Variants in SLC4A9 observed in about 807,000 individuals in gnomAD.
SLC4A9 encodes the protein solute carrier family 4 member 9, also known as anion exchange protein 4.
SLC4A9 carries 102 observed loss-of-function variants against 103.2 expected under a neutral mutation model. The ratio of observed to expected loss-of-function variants is 0.99; its 90% confidence interval spans 0.84 to 1.17. The LOEUF (loss-of-function observed/expected upper bound fraction) is 1.17, where lower values mean the gene tolerates loss of function less well. Ranked by LOEUF, SLC4A9 falls within the 50% of genes most tolerant of loss-of-function variation. The pLI, the probability that SLC4A9 is intolerant of heterozygous loss-of-function variation, is 0.00. For missense variants in SLC4A9, 1,091 were observed against 1,193.7 expected (o/e 0.91, Z 1.27); for synonymous variants, 453 against 483.6 (o/e 0.94, Z 0.83).
rs1269369030 is a variant in SLC4A9 at position 140,362,168 on chromosome 5, C to G, written c.713C>G (p.Pro238Arg). 2.0e-6 allele frequency: 3 copies of G among 1,534,838 alleles called. No homozygotes were observed. Among genetic ancestry groups the G allele is most frequent in the East Asian group, 4.6e-5 (2 of 43,900 alleles). The change falls in exon 5 of 22, where the codon CCA becomes CGA. Residue 238 changes from proline to arginine, a missense_variant. Physicochemically the swap from Pro to Arg is moderately radical, Grantham distance 103. Coordinates refer to ENST00000506757, the MANE Select transcript of SLC4A9 (RefSeq NM_031467.3). The stretch of plus-strand genomic sequence containing the variant: ...GGGTCCCTTACTGAGGTGTCCCTCC[C>G]AAGCAGGTGAGGCTACTGAGTGAGT... ...VLGSLTEVSL[P>R]SRFFCLLLGP...
Position 140,365,577 on chromosome 5 carries a change from T to A in SLC4A9, c.1709T>A (p.Met570Lys). The A allele has an allele frequency of 2.5e-6, 4 of 1,611,478 alleles. No homozygotes were observed. The highest frequency in any genetic ancestry group is 2.5e-6 in the Non-Finnish European group (3 of 1,178,800). The stretch of plus-strand genomic sequence containing the variant: ...AAAGACAGAGACGACATTGTAAGCA[T>A]GGTGAGGGACTGCTCCTGGGAGGTT... ...RPKDRDDIVS[M>K]DLGLINASLL... The change falls in exon 12 of 22, where the codon ATG becomes AAG. Residue 570 changes from methionine (M) to lysine (K), a missense_variant and splice_region_variant. By Grantham distance (95) the Met-to-Lys change is moderately conservative. Transcript: ENST00000506757.
intron 21 of SLC4A9, among the ~76,000 whole-genome samples, chr5:140,373,116 G>T (rs1462752368): frequency 6.6e-6 from 1 of 152,182 alleles, no homozygotes; most frequent in African/African-American, 2.4e-5. Context: ...TGTTGTGGGG[G>T]GCGGTGCCCT....
rs922864801 is a variant in SLC4A9 at position 140,363,330 on chromosome 5, G to T, written c.963-109G>T. ...GCCCAGGTGTCGCCATGGTTCCCTC[G>T]CCGGCAGAGACAAGAGCAGCCGCTA... On this transcript the variant is annotated intron_variant, in intron 7 of 21. Coordinates refer to ENST00000506757, the MANE Select transcript of SLC4A9 (RefSeq NM_031467.3). This position sits in a 1 kb window ranked among gnomAD's most constrained non-coding sequence, Gnocchi z 4.5. The T allele has an allele frequency of 1.5e-5, 17 of 1,097,154 alleles. No individual in the cohort carries two copies. The highest frequency in any genetic ancestry group is 2.2e-5 in the Non-Finnish European group (17 of 764,202). The allele number at this position is 1,097,154 out of a possible 1,614,324, so 68.0% of individuals were successfully genotyped here.
rs537857141 is a variant in SLC4A9 at position 140,362,532 on chromosome 5, G to A, written c.807G>A (p.Pro269=). The change falls in exon 6 of 22, where the codon CCG becomes CCA. Residue 269 remains proline, a splice_region_variant and synonymous_variant. Transcript: ENST00000506757. ...CAGCAGCTGTCCTCCTCAGTGACCC[G>A]GTGAGCTGAGCAGGTGTGTGTGTGT... is the stretch of plus-strand genomic sequence containing the variant. ...GRAAAVLLSD[P]QFQWSVRRAS... 9 of 1,613,882 alleles carry A rather than the reference G, an allele frequency of 5.6e-6. No homozygotes were observed. The East Asian group carries it at 6.7e-5, about 12-fold the overall frequency.
At chr5:140,361,087 T>G in intron 2 of SLC4A9, 115 bp downstream of exon 2, 1 of 1,223,426 alleles carries the variant, frequency 8.2e-7, no homozygotes, top group Non-Finnish European at 1.1e-6. Context: ...TAGGATTGTC[T>G]ACCCTTGTCA....
intron 16 of SLC4A9, among the ~76,000 whole-genome samples, chr5:140,368,284 G>A (rs183312808): frequency 3.2e-4 from 48 of 152,342 alleles, no homozygotes; most frequent in Middle Eastern, 3.4e-3. Context: ...TTGATAAATT[G>A]TGAAATGTAA....
chr5:140,363,531 G>GAGGCAGTCGGTGGTTTCTAGCTCTT lies in SLC4A9; in HGVS notation c.1055_1056insAGGCAGTCGGTGGTTTCTAGCTCTT (p.Ser352ArgfsTer59). On this transcript the variant is annotated frameshift_variant, in exon 8 of 22. Transcript: ENST00000506757. LOFTEE classifies it high-confidence loss of function. This position sits in a 1 kb window ranked among gnomAD's most constrained non-coding sequence, Gnocchi z 4.5. Reference sequence around the variant, plus strand: ...CACCGCCATGGGCCACACGCACACAGCCCGGAGTTGCAGCGGACCGGCAGG... The same window carrying GAGGCAGTCGGTGGTTTCTAGCTCTT: ...CACCGCCATGGGCCACACGCACACAGAGGCAGTCGGTGGTTTCTAGCTCTTCCCGGAGTTGCAGCGGACCGGCAGG... 1 of 1,552,880 alleles carries GAGGCAGTCGGTGGTTTCTAGCTCTT rather than the reference G, an allele frequency of 6.4e-7. No individual in the cohort carries two copies. The highest frequency in any genetic ancestry group is 8.7e-7 in the Non-Finnish European group (1 of 1,148,018).
intron 14 of SLC4A9, among the ~76,000 whole-genome samples, chr5:140,366,488 A>G (rs1767909418): frequency 2.6e-5 from 4 of 152,202 alleles, no homozygotes; most frequent in Admixed American, 1.3e-4. Context: ...ATTACAGGGT[A>G]TGGGTTAAGA....
In SLC4A9 at chr5:140,363,593, G is replaced by T; in HGVS notation, c.1079+38G>T. 1 of 1,553,750 alleles carries T rather than the reference G, an allele frequency of 6.4e-7. No homozygotes were observed. Among genetic ancestry groups the T allele is most frequent in the South Asian group, 1.2e-5 (1 of 84,544 alleles). ...GGGAGGAAACAAGGGTAGGTGACCT[G>T]GGGGAGGGGAGGAGTCACAGGGAAA... On this transcript the variant is annotated intron_variant, in intron 8 of 21. Coordinates refer to ENST00000506757, the MANE Select transcript of SLC4A9 (RefSeq NM_031467.3). The surrounding 1 kb of genome is among the most constrained non-coding windows in gnomAD (Gnocchi z 4.5).
At chr5:140,361,207 C>T (rs368979297) in intron 2 of SLC4A9, 47 bp from the exon 3 acceptor site, 85 of 1,475,990 alleles carry the variant, frequency 5.8e-5, no homozygotes, top group African/African-American at 3.6e-4. Flanking sequence ...GAAGAGTGTG[C>T]GGCAGGGAAC....
At chr5:140,367,266 T>C (rs145324511) in intron 14 of SLC4A9, among the ~76,000 whole-genome samples, 154 bp from the exon 15 acceptor site, 19 of 152,326 alleles carry the variant, frequency 1.2e-4, no homozygotes, top group Middle Eastern at 3.4e-3. Flanking sequence ...TTTAAGGCAC[T>C]GGGATGCTTT....
rs376156470 is a variant in SLC4A9, at chr5:140,361,357, G to A, written c.495G>A (p.Arg165=). The change falls in exon 3 of 22, where the codon AGG becomes AGA. Residue 165 remains arginine (R), a synonymous_variant. Transcript: ENST00000506757. ...PQHYNQTTGT[R]PCWGSTHPRK... is the part of the protein sequence containing the mutation. ...ATTACAACCAGACCACAGGCACCAG[G>A]CCCTGCTGGGGTGAGAGCCCCTCCC... The A allele has an allele frequency of 7.1e-5, 110 of 1,555,144 alleles. No homozygotes were observed. The South Asian group carries it at 1.2e-3, about 17-fold the overall frequency.
At chr5:140,364,023 G>A (rs1767514174) in intron 9 of SLC4A9, 31 bp from the exon 10 acceptor site, 1 of 1,523,044 alleles carries the variant, frequency 6.6e-7, no homozygotes, top group Non-Finnish European at 8.8e-7. Context: ...AGGACTTCAG[G>A]GTCCTGTGCT....
chr5:140,372,274 G>A lies in SLC4A9; in HGVS notation c.2703G>A (p.Leu901=), dbSNP rs1490655089. ...GCCTTGTGGGGGTCCGAAAGGCCCTGGAGAGGGTCTTCTCACCACAGGAAC... is the reference window on the plus strand; with the variant it reads ...GCCTTGTGGGGGTCCGAAAGGCCCTAGAGAGGGTCTTCTCACCACAGGAAC... ...LLGLVGVRKA[L]ERVFSPQELL... Residue 901 remains leucine (L), a synonymous_variant, in exon 20 of 22, where the codon CTG becomes CTA. Transcript: ENST00000506757. 6.3e-7 allele frequency: 1 copy of A among 1,594,412 alleles called. No homozygotes were observed. Among genetic ancestry groups the A allele is most frequent in the African/African-American group, 1.4e-5 (1 of 73,766 alleles).
rs1204932293 is a variant in SLC4A9, at chr5:140,363,416, C to T, written c.963-23C>T. On this transcript the variant is annotated intron_variant, in intron 7 of 21. Coordinates refer to ENST00000506757, the MANE Select transcript of SLC4A9 (RefSeq NM_031467.3). This position sits in a 1 kb window ranked among gnomAD's most constrained non-coding sequence, Gnocchi z 4.5. ...AGACTGGTTGGAGATCCTCAGCCAACCTGGGGTTCCCCTCCTCCTCAGGCT... is the reference window on the plus strand; with the variant it reads ...AGACTGGTTGGAGATCCTCAGCCAATCTGGGGTTCCCCTCCTCCTCAGGCT... The T allele has an allele frequency of 7.1e-6, 11 of 1,547,882 alleles. No individual in the cohort carries two copies. The highest frequency in any genetic ancestry group is 9.6e-6 in the Non-Finnish European group (11 of 1,144,322).
intron 16 of SLC4A9, 65 bp from the exon 17 acceptor site, chr5:140,368,522 G>T: frequency 7.0e-7 from 1 of 1,429,606 alleles, no homozygotes; most frequent in Non-Finnish European, 9.7e-7. Context: ...ATTCAGCCAG[G>T]ATCTCCAGTC....
rs1767388015 is a variant in SLC4A9 at position 140,363,338 on chromosome 5, A to T, written c.963-101A>T. ...GTCGCCATGGTTCCCTCGCCGGCAG[A>T]GACAAGAGCAGCCGCTAGGGGGCAG... On this transcript the variant is annotated intron_variant, in intron 7 of 21. Coordinates refer to ENST00000506757, the MANE Select transcript of SLC4A9 (RefSeq NM_031467.3). This position sits in a 1 kb window ranked among gnomAD's most constrained non-coding sequence, Gnocchi z 4.5. 5.2e-6 allele frequency: 6 copies of T among 1,150,134 alleles called. No individual in the cohort carries two copies. In the Admixed American group the frequency reaches 1.3e-4, roughly 24 times the overall value. The allele number at this position is 1,150,134 out of a possible 1,614,324, so 71.2% of individuals were successfully genotyped here.
In SLC4A9 at chr5:140,371,595, A is replaced by C. The variant is rs1581166767; in HGVS notation, c.2641A>C (p.Thr881Pro). ...GGGGCTGCTTTGGATAATCAAGTCT[A>C]CCCCTGCAGCCATCATCTTCCCCCT... ...CLGLLWIIKS[T>P]PAAIIFPLML... Residue 881 changes from threonine to proline, a missense_variant, in exon 19 of 22, where the codon ACC (threonine) becomes CCC (proline). Transcript: ENST00000506757. 1.2e-6 allele frequency: 2 copies of C among 1,613,760 alleles called. No homozygotes were observed. Among genetic ancestry groups the C allele is most frequent in the Non-Finnish European group, 1.7e-6 (2 of 1,179,822 alleles).
chr5:140,367,565 T>C lies in SLC4A9; in HGVS notation c.2159T>C (p.Met720Thr), dbSNP rs979991960. 6.2e-7 allele frequency: 1 copy of C among 1,604,010 alleles called. No individual in the cohort carries two copies. Residue 720 changes from methionine to threonine, a missense_variant, in exon 15 of 22, where the codon ATG becomes ACG. Coordinates refer to ENST00000506757, the MANE Select transcript of SLC4A9 (RefSeq NM_031467.3). ...ATCACAGCAGTCATCCTCAACCGCA[T>C]GGAATACAGACTGCAGGTAAGGCCT... ...QQITAVILNR[M>T]EYRLQKGAGF...
Sources: allele counts gnomAD v4.1 joint callset (sites outside exome capture counted in the v4.1 genomes callset), GRCh38; gene constraint gnomAD v4.1.1; non-coding constraint Gnocchi (gnomAD v3.1); transcripts MANE v1.5; gene names NCBI Gene and HGNC (gene_info 2026-07-23, HGNC 2026-07-21).